THRB: variants seen among roughly 807,000 people sequenced by gnomAD.
THRB encodes thyroid hormone receptor beta, also known as nuclear receptor subfamily 1 group A member 2.
A neutral mutation model predicts 47.8 loss-of-function variants in THRB; 12 were observed. That is an observed-to-expected ratio of 0.25 (90% CI 0.16 to 0.41). The LOEUF (loss-of-function observed/expected upper bound fraction) is 0.41. Among genes scored for constraint, THRB ranks in the 10% least tolerant of loss-of-function variants. The probability of loss-of-function intolerance (pLI) is 1.00; values close to 1 mark genes in which losing one functional copy is unlikely to be tolerated. For synonymous variants in THRB, 218 were observed against 212.2 expected (o/e 1.03, Z -0.24); for missense variants, 348 against 589.2 (o/e 0.59, Z 4.24).
chr3:24,252,992 T>C (rs1025305247), intron 3 of THRB, among the ~76,000 whole-genome samples: 2 of 152,114 alleles, frequency 1.3e-5, no homozygotes, highest in Non-Finnish European at 2.9e-5. Flanking sequence ...TTCTGGATCA[T>C]GTATAGGATT....
intron 1 of THRB, among the ~76,000 whole-genome samples, chr3:24,490,125 T>C (rs1241451602): frequency 2.0e-5 from 3 of 152,192 alleles, no homozygotes; most frequent in African/African-American, 4.8e-5. Context: ...TATTAATATG[T>C]TGTCTCATAG....
chr3:24,309,746 C>T (rs1237294513), intron 2 of THRB, among the ~76,000 whole-genome samples: 1 of 152,112 alleles, frequency 6.6e-6, no homozygotes, highest in African/African-American at 2.4e-5. Flanking sequence ...ATCCATTAAG[C>T]ATTTCAAGGA....
intron 1 of THRB, among the ~76,000 whole-genome samples, chr3:24,410,321 G>A (rs776504867): frequency 6.6e-6 from 1 of 151,790 alleles, no homozygotes; most frequent in Non-Finnish European, 1.5e-5. Flanking sequence ...AACCAAATTG[G>A]CCTAGTTTCA....
At chr3:24,457,699 A>G (rs886238866) in intron 1 of THRB, among the ~76,000 whole-genome samples, 39 of 152,218 alleles carry the variant, frequency 2.6e-4, no homozygotes, top group Non-Finnish European at 1.0e-4. Context: ...TTCTAAAAAT[A>G]GGACTGTTTT....
intron 1 of THRB, among the ~76,000 whole-genome samples, chr3:24,388,975 A>C (rs1040903879): frequency 6.6e-6 from 1 of 152,168 alleles, no homozygotes; most frequent in African/African-American, 2.4e-5. Context: ...TAAGTGAATA[A>C]AATTTTAATA....
chr3:24,162,700 A>AAAC (rs1553624458), intron 5 of THRB, among the ~76,000 whole-genome samples: 1 of 151,836 alleles, frequency 6.6e-6, no homozygotes, highest in Non-Finnish European at 1.5e-5. Context: ...AAAAAAAAAA[A>AAAC]AACTTTGTAG....
intron 3 of THRB, among the ~76,000 whole-genome samples, chr3:24,279,110 G>T (rs1295056622): frequency 1.3e-5 from 2 of 152,262 alleles, no homozygotes; most frequent in South Asian, 2.1e-4. Flanking sequence ...CTCCCAAAGT[G>T]CTGGAATTAC....
intron 2 of THRB, among the ~76,000 whole-genome samples, chr3:24,332,894 A>G (rs2062014573): frequency 6.6e-6 from 1 of 152,018 alleles, no homozygotes; most frequent in African/African-American, 2.4e-5. Flanking sequence ...ATCTCTACTA[A>G]AAATACAAAA....
chr3:24,181,376 T>C lies in THRB; in HGVS notation c.283+8698A>G, dbSNP rs1022176733. Among the ~76,000 whole-genome samples the C allele has an allele frequency of 2.0e-5, 3 of 152,218 alleles. No homozygotes were observed. In the East Asian group the frequency reaches 5.8e-4, roughly 29 times the overall value. ...AATTATTGATTTAGCCAAGGTTAAATAGCTGGTAAGCGTCAAAGCCAAGAA... is the reference window on the plus strand; with the variant it reads ...AATTATTGATTTAGCCAAGGTTAAACAGCTGGTAAGCGTCAAAGCCAAGAA... On this transcript the variant is annotated intron_variant, in intron 5 of 10. Transcript: ENST00000646209.
At chr3:24,218,166 G>A (rs1210420079) in intron 4 of THRB, among the ~76,000 whole-genome samples, 1 of 151,968 alleles carries the variant, frequency 6.6e-6, no homozygotes, top group African/African-American at 2.4e-5. Context: ...TACTCGGGAG[G>A]TTGAGGCAGG....
At chr3:24,262,153 TCAAA>T (rs920606929) in intron 3 of THRB, among the ~76,000 whole-genome samples, 7 of 152,188 alleles carry the variant, frequency 4.6e-5, no homozygotes, top group Admixed American at 6.5e-5. Context: ...CCCTTAAAAG[TCAAA>T]CAAACAAACT....
chr3:24,156,855 G>A (rs1181941733), intron 5 of THRB, among the ~76,000 whole-genome samples: 1 of 152,098 alleles, frequency 6.6e-6, no homozygotes, highest in East Asian at 1.9e-4. Context: ...CCTTCCCTAT[G>A]TCATTTCTTG....
intron 4 of THRB, among the ~76,000 whole-genome samples, chr3:24,211,060 G>A (rs990311822): frequency 1.9e-4 from 29 of 152,014 alleles, no homozygotes; most frequent in African/African-American, 7.0e-4. Flanking sequence ...TTAGCCAGGT[G>A]TGGCGGTAGG....
intron 2 of THRB, among the ~76,000 whole-genome samples, chr3:24,337,067 T>C (rs1273207628): frequency 6.6e-6 from 1 of 152,212 alleles, no homozygotes; most frequent in Non-Finnish European, 1.5e-5. Context: ...GGCTCTTTTC[T>C]CTCACTGCCC....
intron 2 of THRB, among the ~76,000 whole-genome samples, chr3:24,332,750 G>C (rs373024684): frequency 6.6e-6 from 1 of 152,126 alleles, no homozygotes; most frequent in East Asian, 1.9e-4. Context: ...TTGGGGAAAG[G>C]AAAAGGAGAT....
At chr3:24,299,802 T>TTTTTG (rs1363344985) in intron 2 of THRB, among the ~76,000 whole-genome samples, 2 of 132,998 alleles carry the variant, frequency 1.5e-5, no homozygotes, top group East Asian at 2.3e-4. Flanking sequence ...TTTTTTTTTT[T>TTTTTG]AGCAAACATA....
At chr3:24,242,352 G>A (rs2049623659) in intron 3 of THRB, among the ~76,000 whole-genome samples, 1 of 152,102 alleles carries the variant, frequency 6.6e-6, no homozygotes, top group South Asian at 2.1e-4. Context: ...CCAGATTGCT[G>A]ATTCATGTTC....
chr3:24,442,116 A>T (rs1341916559), intron 1 of THRB, among the ~76,000 whole-genome samples: 2 of 152,188 alleles, frequency 1.3e-5, no homozygotes, highest in Non-Finnish European at 2.9e-5. Flanking sequence ...CCCTCCAAAC[A>T]TTACAAGTAA....
intron 1 of THRB, among the ~76,000 whole-genome samples, chr3:24,485,200 T>C (rs191764669): frequency 6.6e-6 from 1 of 152,350 alleles, no homozygotes; most frequent in African/African-American, 2.4e-5. Context: ...ACCCTTGAAG[T>C]AATATTCAAC....
Sources: gnomAD v4.1 joint callset for allele counts (sites outside exome capture counted in the v4.1 genomes callset) on GRCh38, gnomAD v4.1.1 for gene constraint, MANE v1.5 for transcripts, NCBI Gene and HGNC (gene_info 2026-07-23, HGNC 2026-07-21) for gene names.